ANXA9: variants seen among roughly 807,000 people sequenced by gnomAD.
ANXA9 encodes annexin A9, also known as annexin 31.
Under a neutral mutation model 51.8 loss-of-function variants are expected in ANXA9, and 47 were observed. The ratio of observed to expected loss-of-function variants is 0.91; its 90% CI spans 0.72 to 1.16. ANXA9 has a LOEUF of 1.16. ANXA9 is among the 50% of genes most tolerant of loss of function. The probability of loss-of-function intolerance (pLI) is 0.00; values close to 1 mark genes in which losing one functional copy is unlikely to be tolerated. For synonymous variants in ANXA9, 154 were observed against 168.7 expected (o/e 0.91, Z 0.68); for missense variants, 361 against 424.7 (o/e 0.85, Z 1.32).
At position 150,984,374 on chromosome 1, in the gene ANXA9, G is replaced by T. The variant is rs1255988865; in HGVS notation, c.361G>T (p.Glu121Ter). The change falls in exon 6 of 14, where the codon GAA becomes TAA. Residue 121 changes from glutamate to a stop codon, truncating the protein, a stop_gained. Transcript: ENST00000368947. LOFTEE classifies it high-confidence loss of function. ...GCCCACAGCCCAGTTTGACGCCCAG[G>T]AATTGAGGACAGCTCTGAAGGTAGC... ...LQPTAQFDAQ[E>*]LRTALKASDS... 6.2e-7 allele frequency: 1 copy of T among 1,614,186 alleles called. No homozygotes were observed. Among genetic ancestry groups the T allele is most frequent in the African/African-American group, 1.3e-5 (1 of 75,048 alleles).
intron 4 of ANXA9, 73 bp from the exon 5 acceptor site, chr1:150,983,902 C>T: frequency 6.9e-7 from 1 of 1,440,500 alleles, no homozygotes; most frequent in Non-Finnish European, 9.5e-7. Flanking sequence ...GGAGCGCCTT[C>T]CCTCCTCCAA....
chr1:150,994,928 C>T (rs908136885), intron 13 of ANXA9: 1 of 588,518 alleles, frequency 1.7e-6, no homozygotes, highest in Non-Finnish European at 2.1e-6. Context: ...CCCGTCTCTA[C>T]TAAAAATACA....
rs1434275374 is a variant in ANXA9 at position 150,983,958 on chromosome 1, C to T, written c.173-17C>T. 6.2e-7 allele frequency: 1 copy of T among 1,607,942 alleles called. No homozygotes were observed. Among genetic ancestry groups the T allele is most frequent in the African/African-American group, 1.3e-5 (1 of 74,930 alleles). ...TGTAAAGACCCTGCTCACAGCACAG[C>T]CCTCATCTCGGTTCAGGCGTGGACC... On this transcript the variant is annotated splice_polypyrimidine_tract_variant and intron_variant, in intron 4 of 13. Coordinates refer to ENST00000368947, the MANE Select transcript of ANXA9 (RefSeq NM_003568.3).
In ANXA9 at chr1:150,984,404, G is replaced by A; in HGVS notation, c.381+10G>A. The A allele has an allele frequency of 6.2e-7, 1 of 1,612,958 alleles. No homozygotes were observed. Among genetic ancestry groups the A allele is most frequent in the Non-Finnish European group, 8.5e-7 (1 of 1,178,962 alleles). On this transcript the variant is annotated intron_variant, in intron 6 of 13. Transcript: ENST00000368947. ...GAGGACAGCTCTGAAGGTAGCAGGAGGGGAGACTTGCTGGGGTGTCTGGGG... is the reference window on the plus strand; with the variant it reads ...GAGGACAGCTCTGAAGGTAGCAGGAAGGGAGACTTGCTGGGGTGTCTGGGG...
intron 13 of ANXA9, 169 bp downstream of exon 13, chr1:150,994,868 C>A: frequency 1.1e-6 from 1 of 947,692 alleles, no homozygotes; most frequent in Non-Finnish European, 1.3e-6. Context: ...CTGAGGTGGG[C>A]GGATCACGAG....
At chr1:150,994,823 G>A in intron 13 of ANXA9, 124 bp downstream of exon 13, 1 of 1,493,496 alleles carries the variant, frequency 6.7e-7, no homozygotes, top group Non-Finnish European at 8.9e-7. Context: ...GCCAGGCACA[G>A]TGGCTCACGC....
rs1671463186 is a variant in ANXA9, at chr1:150,983,368, A to G, written c.106A>G (p.Arg36Gly). 9 of 1,613,978 alleles carry G rather than the reference A, an allele frequency of 5.6e-6. No individual in the cohort carries two copies. Among genetic ancestry groups the G allele is most frequent in the Middle Eastern group, 1.6e-4 (1 of 6,084 alleles). The change falls in exon 4 of 14, where the codon AGG becomes GGG. Residue 36 changes from arginine to glycine, a missense_variant. Transcript: ENST00000368947. ...TAAWGTLGTLRTFLNFSVDKD... is the reference protein window; with the variant it reads ...TAAWGTLGTLGTFLNFSVDKD... ...AGCGTGGGGGACCCTGGGCACCCTCAGGACCTTCTTGAACTTCAGCGTGGA... is the reference window on the plus strand; with the variant it reads ...AGCGTGGGGGACCCTGGGCACCCTCGGGACCTTCTTGAACTTCAGCGTGGA...
upstream of ANXA9, among the ~76,000 whole-genome samples, chr1:150,979,642 A>G (rs375077683): frequency 6.6e-6 from 1 of 152,140 alleles, no homozygotes; most frequent in Non-Finnish European, 1.5e-5. Flanking sequence ...AGGGGCCACT[A>G]GGGGGCTCGA....
upstream of ANXA9, among the ~76,000 whole-genome samples, chr1:150,978,620 A>G (rs1294278008): frequency 6.6e-6 from 1 of 151,930 alleles, no homozygotes; most frequent in African/African-American, 2.4e-5. Context: ...GCTAGTTCCA[A>G]CTCCATGGCC....
At chr1:150,977,395 A>C (rs1422054418), upstream of ANXA9, among the ~76,000 whole-genome samples, 1 of 152,190 alleles carries the variant, frequency 6.6e-6, no homozygotes, top group African/African-American at 2.4e-5. Flanking sequence ...TGGGGAGCAT[A>C]CACACCGCTT....
At chr1:150,994,798 A>G (rs1450335769) in intron 13 of ANXA9, 99 bp downstream of exon 13, 2 of 1,537,448 alleles carry the variant, frequency 1.3e-6, no homozygotes, top group East Asian at 4.6e-5. Flanking sequence ...TGCCCCATAG[A>G]AAACCCAGTA....
rs377740400 is a variant in ANXA9, at chr1:150,984,414, G to A, written c.381+20G>A. ...CTGAAGGTAGCAGGAGGGGAGACTTGCTGGGGTGTCTGGGGAAGGGAGAAG... is the reference window on the plus strand; with the variant it reads ...CTGAAGGTAGCAGGAGGGGAGACTTACTGGGGTGTCTGGGGAAGGGAGAAG... On this transcript the variant is annotated intron_variant, in intron 6 of 13. Coordinates refer to ENST00000368947, the MANE Select transcript of ANXA9 (RefSeq NM_003568.3). 5 of 1,611,604 alleles carry A rather than the reference G, an allele frequency of 3.1e-6. No homozygotes were observed. In the African/African-American group the frequency reaches 4.0e-5, roughly 13 times the overall value.
In ANXA9 at chr1:150,988,125, G is replaced by T; in HGVS notation, c.732G>T (p.Glu244Asp). The part of the protein sequence containing the change: ...FDQYQRSTGQ[E>D]LEEAVQNRFH... ...AGTACCAGCGGAGCACTGGGCAAGA[G>T]CTGGAGGAGGCTGTCCAGAACCGTT... is the stretch of plus-strand genomic sequence containing the variant. The change falls in exon 11 of 14, where the codon GAG (glutamate) becomes GAT (aspartate). Residue 244 changes from glutamate (E) to aspartate (D), a missense_variant. Physicochemically the swap from Glu to Asp is conservative, Grantham distance 45 (BLOSUM62 2). Transcript: ENST00000368947. The T allele has an allele frequency of 1.2e-6, 2 of 1,614,226 alleles. No individual in the cohort carries two copies. The highest frequency in any genetic ancestry group is 1.7e-6 in the Non-Finnish European group (2 of 1,180,048).
intron 12 of ANXA9, among the ~76,000 whole-genome samples, chr1:150,989,266 AC>A: frequency 6.7e-6 from 1 of 148,984 alleles, no homozygotes; most frequent in Non-Finnish European, 1.5e-5. Context: ...GGCGTGAGCC[AC>A]TGCGCCCAGC....
intron 2 of ANXA9, among the ~76,000 whole-genome samples, chr1:150,982,830 T>G (rs1385494184): frequency 6.6e-6 from 1 of 152,122 alleles, no homozygotes; most frequent in Non-Finnish European, 1.5e-5. Flanking sequence ...CAGGGAGGGT[T>G]GGCGCCTGGT....
intron 13 of ANXA9, 114 bp from the exon 14 acceptor site, chr1:150,995,146 G>T: frequency 1.8e-6 from 2 of 1,087,530 alleles, no homozygotes; most frequent in South Asian, 3.2e-5. Flanking sequence ...CTGAGCTCCC[G>T]GGAGGACCCT....
At chr1:150,993,362 G>C (rs959809303) in intron 12 of ANXA9, among the ~76,000 whole-genome samples, 1 of 151,734 alleles carries the variant, frequency 6.6e-6, no homozygotes, top group African/African-American at 2.4e-5. Flanking sequence ...AGGCTGGAGT[G>C]CAGTGGTGTG....
Position 150,983,999 on chromosome 1 carries a change from A to T in ANXA9, c.197A>T (p.Asp66Val). 1 of 1,612,830 alleles carries T rather than the reference A, an allele frequency of 6.2e-7. No individual in the cohort carries two copies. The highest frequency in any genetic ancestry group is 8.5e-7 in the Non-Finnish European group (1 of 1,179,674). The change falls in exon 5 of 14, where the codon GAC (aspartate) becomes GTC (valine). Residue 66 changes from aspartate (D) to valine (V), a missense_variant. By Grantham distance (152) the Asp-to-Val change is radical. Coordinates refer to ENST00000368947, the MANE Select transcript of ANXA9 (RefSeq NM_003568.3). ...GQGVDRSAIV[D>V]VLTNRSREQR... ...GGCGTGGACCGCAGTGCCATTGTGGACGTGCTGACCAACCGGAGCAGAGAG... is the reference window on the plus strand; with the variant it reads ...GGCGTGGACCGCAGTGCCATTGTGGTCGTGCTGACCAACCGGAGCAGAGAG...
intron 13 of ANXA9, 81 bp from the exon 14 acceptor site, chr1:150,995,179 G>A (rs762775283): frequency 5.5e-5 from 78 of 1,425,678 alleles, no homozygotes; most frequent in Non-Finnish European, 7.2e-5. Context: ...GAACTGTGAT[G>A]GACCAGCCCA....
Sources: gnomAD v4.1 joint callset for allele counts (sites outside exome capture counted in the v4.1 genomes callset) on GRCh38, gnomAD v4.1.1 for gene constraint, MANE v1.5 for transcripts, NCBI Gene and HGNC (gene_info 2026-07-23, HGNC 2026-07-21) for gene names.